DRICH1: variants seen among roughly 807,000 people sequenced by gnomAD.
DRICH1 encodes the protein aspartate rich 1, also known as aspartate-rich protein 1.
Under a neutral mutation model 39.5 loss-of-function variants are expected in DRICH1, and 38 were observed. That is an observed-to-expected ratio of 0.96 (90% CI 0.74 to 1.26). DRICH1 has a LOEUF of 1.26. DRICH1 is among the 50% of genes most tolerant of loss of function. The probability of loss-of-function intolerance (pLI) is 0.00; values close to 1 mark genes in which losing one functional copy is unlikely to be tolerated. For missense variants in DRICH1, 279 were observed against 270.4 expected (o/e 1.03, Z -0.22); for synonymous variants, 84 against 99.5 (o/e 0.84, Z 0.93).
downstream of DRICH1, among the ~76,000 whole-genome samples, chr22:23,605,962 T>G (rs2123750816): frequency 6.6e-6 from 1 of 151,414 alleles, no homozygotes; most frequent in African/African-American, 2.4e-5. Flanking sequence ...TGAGCCCAGC[T>G]ACTTGGGAGG....
At chr22:23,622,273 T>A in intron 3 of DRICH1, 97 bp from the exon 4 acceptor site, 1 of 1,077,054 alleles carries the variant, frequency 9.3e-7, no homozygotes, top group Non-Finnish European at 1.4e-6. Flanking sequence ...GGTGGTTGAT[T>A]AACAAGCATG....
chr22:23,585,872 C>G, the DRICH1 span, among the ~76,000 whole-genome samples: 1 of 152,116 alleles, frequency 6.6e-6, no homozygotes, highest in Non-Finnish European at 1.5e-5. Flanking sequence ...AGGGTGCATA[C>G]TCTGAATAAT....
chr22:23,619,437 C>T (rs2123779158), intron 5 of DRICH1, 44 bp from the exon 6 acceptor site: 1 of 777,276 alleles, frequency 1.3e-6, no homozygotes, highest in South Asian at 1.3e-5. Flanking sequence ...TAAGGAATCT[C>T]TATGTGCCTC....
chr22:23,590,610 T>C, the DRICH1 span, among the ~76,000 whole-genome samples: 1 of 151,420 alleles, frequency 6.6e-6, no homozygotes, highest in Admixed American at 6.6e-5. Context: ...ACATTCTTTT[T>C]TGTTTTGAGA....
At chr22:23,617,003 C>T in intron 7 of DRICH1, 129 bp from the exon 8 acceptor site, 1 of 1,065,926 alleles carries the variant, frequency 9.4e-7, no homozygotes, top group Non-Finnish European at 1.4e-6. Context: ...AGGTCAAAGA[C>T]CAAACATTCT....
chr22:23,624,452 T>C (rs559652539), intron 3 of DRICH1: 1 of 674,428 alleles, frequency 1.5e-6, no homozygotes, highest in East Asian at 1.4e-4. Context: ...TACTTTTTCT[T>C]TTTCTGTTTC....
chr22:23,621,461 T>C (rs140301205), intron 4 of DRICH1, among the ~76,000 whole-genome samples: 1 of 151,506 alleles, frequency 6.6e-6, no homozygotes, highest in African/African-American at 2.4e-5. Flanking sequence ...ACAATCAATA[T>C]GTGACACCCA....
Position 23,616,790 on chromosome 22 carries a change from G to A in DRICH1, c.541+63C>T, listed in dbSNP as rs140585648. On this transcript the variant is annotated intron_variant, in intron 8 of 11. Transcript: ENST00000317749. Reference sequence around the variant, plus strand: ...TTTTTTAACAGGAACCCAGATTAAGGTTTCCATATATTAAAGCCAGCAAGT... The same window carrying A: ...TTTTTTAACAGGAACCCAGATTAAGATTTCCATATATTAAAGCCAGCAAGT... 2,576 of 1,597,024 alleles carry A rather than the reference G, an allele frequency of 1.6e-3. 33 individuals are homozygous for A. The African/African-American group carries it at 0.027, about 17-fold the overall frequency.
chr22:23,619,430 G>T (rs2123779140), intron 5 of DRICH1, 37 bp from the exon 6 acceptor site: 1 of 778,582 alleles, frequency 1.3e-6, no homozygotes, highest in South Asian at 1.3e-5. Flanking sequence ...AAGACTTTAA[G>T]GAATCTCTAT....
chr22:23,611,536 C>T (rs967028375), intron 11 of DRICH1, among the ~76,000 whole-genome samples: 6 of 152,068 alleles, frequency 3.9e-5, no homozygotes, highest in Middle Eastern at 3.4e-3. Context: ...GGACTACAAG[C>T]GCCCACCACC....
chr22:23,589,322 G>T, the DRICH1 span, among the ~76,000 whole-genome samples: 2 of 151,904 alleles, frequency 1.3e-5, no homozygotes, highest in Non-Finnish European at 2.9e-5. Context: ...GTGGTGGCTT[G>T]AACCTGTAGC....
chr22:23,586,296 C>A, the DRICH1 span, among the ~76,000 whole-genome samples: 1 of 152,266 alleles, frequency 6.6e-6, no homozygotes, highest in South Asian at 2.1e-4. Context: ...TGAAACCAGC[C>A]TGGGGAACAT....
downstream of DRICH1, among the ~76,000 whole-genome samples, chr22:23,606,069 T>C (rs1926716580): frequency 6.6e-6 from 1 of 151,936 alleles, no homozygotes; most frequent in African/African-American, 2.4e-5. Flanking sequence ...AAATTTTTTT[T>C]TTTGAGTGAG....
chr22:23,620,462 A>G (rs1927652505), intron 5 of DRICH1, 132 bp downstream of exon 5: 1 of 1,048,806 alleles, frequency 9.5e-7, no homozygotes, highest in Non-Finnish European at 1.5e-6. Flanking sequence ...CTCTGCTCAT[A>G]GTTATACACT....
the DRICH1 span, among the ~76,000 whole-genome samples, chr22:23,599,592 T>C: frequency 6.6e-6 from 1 of 152,110 alleles, no homozygotes; most frequent in Non-Finnish European, 1.5e-5. Context: ...TCAGGGTGCT[T>C]TTATGGGGGC....
At chr22:23,600,192 T>C in the DRICH1 span, among the ~76,000 whole-genome samples, 1 of 152,114 alleles carries the variant, frequency 6.6e-6, no homozygotes, top group Admixed American at 6.5e-5. Flanking sequence ...GACCTTAGGG[T>C]CCCAGGGCAG....
chr22:23,625,870 T>A, intron 2 of DRICH1, 111 bp downstream of exon 2: 1 of 826,344 alleles, frequency 1.2e-6, no homozygotes, highest in Non-Finnish European at 2.0e-6. Flanking sequence ...AAAGTCTTAC[T>A]TTTGCTGTTC....
At chr22:23,602,840 A>G in the DRICH1 span, among the ~76,000 whole-genome samples, 18 of 152,188 alleles carry the variant, frequency 1.2e-4, no homozygotes, top group Non-Finnish European at 1.9e-4. Context: ...AAATGTTTCA[A>G]AAGTTTAAAT....
At chr22:23,621,742 C>A (rs920954376) in intron 4 of DRICH1, among the ~76,000 whole-genome samples, 2 of 152,012 alleles carry the variant, frequency 1.3e-5, no homozygotes, top group African/African-American at 2.4e-5. Context: ...GGTAAAACAC[C>A]GTCTCTACTA....
Sources: allele counts gnomAD v4.1 joint callset (sites outside exome capture counted in the v4.1 genomes callset), GRCh38; gene constraint gnomAD v4.1.1; transcripts MANE v1.5; gene names NCBI Gene and HGNC (gene_info 2026-07-23, HGNC 2026-07-21).